Variants in SLC24A2 observed in about 807,000 individuals in gnomAD.
SLC24A2 encodes the protein sodium/potassium/calcium exchanger 2.
In SLC24A2, 36 loss-of-function variants were observed where a neutral mutation model predicts 62.0. That is an observed-to-expected ratio of 0.58 (90% CI 0.44 to 0.77). The LOEUF is 0.77. Ranked by LOEUF, SLC24A2 falls within the 30% of genes least tolerant of loss-of-function variation. The pLI, the probability that SLC24A2 is intolerant of heterozygous loss-of-function variation, is 0.00. For missense variants in SLC24A2, 846 were observed against 817.9 expected, an observed-to-expected ratio of 1.03 and a Z score of -0.42; for synonymous variants, 358 against 294.0, an observed-to-expected ratio of 1.22 and a Z score of -2.23.
the SLC24A2 span, among the ~76,000 whole-genome samples, chr9:19,870,158 C>T: frequency 3.8e-3 from 585 of 152,210 alleles, 6 homozygotes; most frequent in African/African-American, 0.013. Flanking sequence ...AAAGAAACCC[C>T]GTACCCATTA....
rs1340912020 is a variant in SLC24A2 at position 19,515,938 on chromosome 9, G to C, written c.*215C>G. The stretch of plus-strand genomic sequence containing the variant: ...AAGCCCTGTATTGACGGTTCTCTTT[G>C]TCTTTTACATGAAGTCATTTCAGTA... On this transcript the variant is annotated 3_prime_UTR_variant, in exon 11 of 11. Transcript: ENST00000341998. 4.9e-6 allele frequency: 3 copies of C among 607,280 alleles called. No individual in the cohort carries two copies. The highest frequency in any genetic ancestry group is 3.7e-5 in the African/African-American group (2 of 54,510). 37.6% of individuals were successfully genotyped at this position (607,280 alleles called of 1,614,324 possible).
At chr9:19,695,679 CAAAAAAAAA>C (rs66668393) in intron 2 of SLC24A2, among the ~76,000 whole-genome samples, 1 of 73,536 alleles carries the variant, frequency 1.4e-5, no homozygotes, top group Admixed American at 1.8e-4. Context: ...TTGTTAGTAG[CAAAAAAAAA>C]AAAAAAAAAA....
the SLC24A2 span, among the ~76,000 whole-genome samples, chr9:19,863,074 G>C: frequency 6.6e-6 from 1 of 151,882 alleles, no homozygotes; most frequent in Non-Finnish European, 1.5e-5. Context: ...CATGCCATTG[G>C]AAGCCAAAAA....
At chr9:19,549,504 A>G (rs766274887) in intron 8 of SLC24A2, among the ~76,000 whole-genome samples, 1 of 152,204 alleles carries the variant, frequency 6.6e-6, no homozygotes, top group Non-Finnish European at 1.5e-5. Context: ...TCACTGCAAC[A>G]TTCACTCTTG....
At chr9:19,792,252 A>T (rs1317697621), upstream of SLC24A2, among the ~76,000 whole-genome samples, 1 of 152,160 alleles carries the variant, frequency 6.6e-6, no homozygotes, top group Non-Finnish European at 1.5e-5. Context: ...CTTTGGCTTT[A>T]TATTTTATAA....
At chr9:20,028,967 A>G in the SLC24A2 span, among the ~76,000 whole-genome samples, 2 of 152,174 alleles carry the variant, frequency 1.3e-5, no homozygotes, top group African/African-American at 2.4e-5. Context: ...TCCTCTAACT[A>G]ATCACCAAGC....
intron 2 of SLC24A2, among the ~76,000 whole-genome samples, chr9:19,646,148 T>C (rs1330129461): frequency 6.6e-6 from 1 of 152,228 alleles, no homozygotes; most frequent in Non-Finnish European, 1.5e-5. Context: ...CTAATCAGAA[T>C]GCAAGGAATT....
the SLC24A2 span, among the ~76,000 whole-genome samples, chr9:19,994,442 A>G: frequency 6.6e-6 from 1 of 152,182 alleles, no homozygotes; most frequent in Admixed American, 6.5e-5. Flanking sequence ...TGACTAGAAC[A>G]CTGCCAATTG....
At chr9:19,528,016 C>G (rs577520645) in intron 9 of SLC24A2, 33 bp downstream of exon 9, 1 of 1,329,444 alleles carries the variant, frequency 7.5e-7, no homozygotes, top group South Asian at 1.2e-5. Flanking sequence ...TGGAGAAAAA[C>G]AAGGCAGAGG....
chr9:19,809,309 G>A, the SLC24A2 span, among the ~76,000 whole-genome samples: 1 of 152,008 alleles, frequency 6.6e-6, no homozygotes, highest in Non-Finnish European at 1.5e-5. Flanking sequence ...AATTACACAG[G>A]TACAGATTAA....
Position 19,528,308 on chromosome 9 carries a change from A to T in SLC24A2, c.1480-170T>A, listed in dbSNP as rs188637978. On this transcript the variant is annotated intron_variant, in intron 8 of 10. Coordinates refer to ENST00000341998, the MANE Select transcript of SLC24A2 (RefSeq NM_020344.4). The stretch of plus-strand genomic sequence containing the variant: ...CTCCTGATCAAGCTGGGACAGTAAG[A>T]TTCTCCCTTGGAGATGTGAAATTGA... Among the ~76,000 whole-genome samples, 32 of 152,296 alleles carry T rather than the reference A, an allele frequency of 2.1e-4. No individual in the cohort carries two copies. The East Asian group carries it at 5.6e-3, about 27-fold the overall frequency.
At chr9:19,899,139 C>A in the SLC24A2 span, among the ~76,000 whole-genome samples, 11 of 152,308 alleles carry the variant, frequency 7.2e-5, no homozygotes, top group South Asian at 2.1e-3. Flanking sequence ...TCTCACCCTG[C>A]TGTCTTCTAA....
the SLC24A2 span, among the ~76,000 whole-genome samples, chr9:20,291,732 A>G: frequency 6.6e-6 from 1 of 152,204 alleles, no homozygotes. Context: ...ATCTTGAATG[A>G]CAACTATGGA....
chr9:20,051,657 CTTT>C, the SLC24A2 span, among the ~76,000 whole-genome samples: 1,534 of 73,542 alleles, frequency 0.021, 33 homozygotes, highest in African/African-American at 0.088. Flanking sequence ...TTTTCTTTCT[CTTT>C]TTTTTTTTTT....
intron 2 of SLC24A2, among the ~76,000 whole-genome samples, chr9:19,729,526 A>G (rs1821272656): frequency 6.6e-6 from 1 of 152,360 alleles, no homozygotes; most frequent in Admixed American, 6.5e-5. Context: ...AAAATGGAAT[A>G]CTATTCAGCC....
At chr9:20,006,012 T>C in the SLC24A2 span, among the ~76,000 whole-genome samples, 2 of 151,880 alleles carry the variant, frequency 1.3e-5, no homozygotes, top group Non-Finnish European at 1.5e-5. Flanking sequence ...ATACCACATA[T>C]ATATGCTTAT....
At chr9:20,137,826 G>A in the SLC24A2 span, among the ~76,000 whole-genome samples, 1,861 of 152,246 alleles carry the variant, frequency 0.012, 41 homozygotes, top group African/African-American at 0.043. Flanking sequence ...CATAATGTTT[G>A]CAATAAATTG....
At chr9:20,230,847 TA>T in the SLC24A2 span, among the ~76,000 whole-genome samples, 1 of 152,232 alleles carries the variant, frequency 6.6e-6, no homozygotes, top group Admixed American at 6.5e-5. Flanking sequence ...GGTTTTCTTC[TA>T]GGGTTTTTAT....
chr9:20,064,594 A>G, the SLC24A2 span, among the ~76,000 whole-genome samples: 1 of 152,220 alleles, frequency 6.6e-6, no homozygotes, highest in Admixed American at 6.5e-5. Context: ...GCACTTAATT[A>G]TGCTCTTCAA....
Sources: allele counts gnomAD v4.1 joint callset (sites outside exome capture counted in the v4.1 genomes callset), GRCh38; gene constraint gnomAD v4.1.1; transcripts MANE v1.5; gene names NCBI Gene and HGNC (gene_info 2026-07-23, HGNC 2026-07-21).